Variants in FMNL2 observed in about 807,000 individuals in gnomAD.
FMNL2 encodes formin like 2, also known as formin-like protein 2.
Under a neutral mutation model 130.2 loss-of-function variants are expected in FMNL2, and 51 were observed. The ratio of observed to expected loss-of-function variants is 0.39; its 90% confidence interval spans 0.31 to 0.49. The LOEUF (loss-of-function observed/expected upper bound fraction) is 0.49. Among genes scored for constraint, FMNL2 ranks in the 20% least tolerant of loss-of-function variants. FMNL2 has a pLI of 0.85. For synonymous variants in FMNL2, 465 were observed against 467.1 expected (o/e 1.00, Z 0.06); for missense variants, 977 against 1,316.2 (o/e 0.74, Z 3.99).
intron 21 of FMNL2, among the ~76,000 whole-genome samples, chr2:152,635,353 A>G (rs1337877586): frequency 6.6e-6 from 1 of 152,160 alleles, no homozygotes; most frequent in Admixed American, 6.5e-5. Flanking sequence ...CACCAAATGC[A>G]TTGCCAAATG....
chr2:152,499,319 C>T (rs1178174187), intron 1 of FMNL2, among the ~76,000 whole-genome samples: 1 of 152,194 alleles, frequency 6.6e-6, no homozygotes, highest in Non-Finnish European at 1.5e-5. Flanking sequence ...TGTGATGTTC[C>T]TGATGATGGT....
intron 13 of FMNL2, among the ~76,000 whole-genome samples, chr2:152,617,726 C>T (rs1279072097): frequency 6.6e-6 from 1 of 152,180 alleles, no homozygotes; most frequent in African/African-American, 2.4e-5. Flanking sequence ...TTTATTTGGC[C>T]TTAGTATTGT....
At chr2:152,581,184 G>A in intron 9 of FMNL2, 135 bp downstream of exon 9, 2 of 660,638 alleles carry the variant, frequency 3.0e-6, no homozygotes, top group Non-Finnish European at 4.8e-6. Flanking sequence ...CTCACTGAGA[G>A]GAATGTAATG....
At chr2:152,447,539 C>A (rs1173120283) in intron 1 of FMNL2, among the ~76,000 whole-genome samples, 1 of 152,140 alleles carries the variant, frequency 6.6e-6, no homozygotes, top group Non-Finnish European at 1.5e-5. Context: ...GAGCTTCATG[C>A]CATTTTACAG....
At position 152,629,831 on chromosome 2, in the gene FMNL2, T is replaced by C; in HGVS notation, c.2476T>C (p.Leu826=). The C allele has an allele frequency of 6.2e-7, 1 of 1,613,006 alleles. No individual in the cohort carries two copies. The highest frequency in any genetic ancestry group is 8.5e-7 in the Non-Finnish European group (1 of 1,179,436). The change falls in exon 20 of 26, where the codon TTA becomes CTA. Residue 826 remains leucine (L), a synonymous_variant. Coordinates refer to ENST00000288670, the MANE Select transcript of FMNL2 (RefSeq NM_052905.4). The part of the protein sequence containing the change: ...QKLKKILEII[L]ALGNYMNSSK... ...TTTTCACCTTCTTTTGCAGATCATC[T>C]TAGCCCTTGGAAACTACATGAATAG...
Position 152,619,552 on chromosome 2 carries a change from G to GCCCCCCCCCCCCCCCCCCCCC in FMNL2, c.1676_1677insCCCCCCCCCCCCCCCCCCCCC (p.Pro567_Pro573dup). On this transcript the variant is annotated inframe_insertion, in exon 15 of 26. Transcript: ENST00000288670. ...CACCACCTATGCCACCGCCGCCGCC[G>GCCCCCCCCCCCCCCCCCCCCC]CCCCCTCCTCCACCTCCTCCTCCCC... 7.1e-7 allele frequency: 1 copy of GCCCCCCCCCCCCCCCCCCCCC among 1,417,708 alleles called. No individual in the cohort carries two copies. The highest frequency in any genetic ancestry group is 9.4e-7 in the Non-Finnish European group (1 of 1,062,482). The allele number at this position is 1,417,708 out of a possible 1,614,324, so 87.8% of individuals were successfully genotyped here.
intron 3 of FMNL2, among the ~76,000 whole-genome samples, chr2:152,546,492 C>T (rs1406470175): frequency 6.6e-6 from 1 of 152,062 alleles, no homozygotes; most frequent in Non-Finnish European, 1.5e-5. Flanking sequence ...GCGCTATCTG[C>T]CCCCATGACC....
intron 1 of FMNL2, among the ~76,000 whole-genome samples, chr2:152,376,050 C>T (rs929655662): frequency 4.0e-5 from 6 of 151,804 alleles, no homozygotes; most frequent in Admixed American, 2.6e-4. Context: ...TGTACCACCA[C>T]GCCCAGCTAA....
intron 1 of FMNL2, among the ~76,000 whole-genome samples, chr2:152,509,234 A>G (rs556897009): frequency 7.9e-5 from 12 of 152,326 alleles, no homozygotes; most frequent in African/African-American, 2.9e-4. Flanking sequence ...AACAAGAAAG[A>G]GGTACTTCTT....
At chr2:152,473,786 T>C (rs1228821188) in intron 1 of FMNL2, among the ~76,000 whole-genome samples, 2 of 152,214 alleles carry the variant, frequency 1.3e-5, no homozygotes, top group East Asian at 1.9e-4. Flanking sequence ...ATAAGAAATA[T>C]GTACAATGAA....
At chr2:152,590,980 C>CTTTTTTTTTTTTTTTTTTTTTTTTTT (rs1158391663) in intron 9 of FMNL2, among the ~76,000 whole-genome samples, 2 of 65,792 alleles carry the variant, frequency 3.0e-5, no homozygotes, top group Non-Finnish European at 5.2e-5. Flanking sequence ...CCTCTGATAA[C>CTTTTTTTTTTTTTTTTTTTTTTTTTT]TTTTTTTTTT....
At chr2:152,401,879 T>G (rs1049178109) in intron 1 of FMNL2, among the ~76,000 whole-genome samples, 1 of 151,424 alleles carries the variant, frequency 6.6e-6, no homozygotes, top group Non-Finnish European at 1.5e-5. Context: ...TTTAGGTAGT[T>G]TCAGATGTTG....
intron 22 of FMNL2, 112 bp from the exon 23 acceptor site, chr2:152,637,461 A>G: frequency 2.5e-6 from 2 of 789,814 alleles, no homozygotes; most frequent in Non-Finnish European, 4.3e-6. Context: ...CAGCAACGCA[A>G]GGCCATGGGA....
At chr2:152,347,377 A>G (rs1350392952) in intron 1 of FMNL2, among the ~76,000 whole-genome samples, 1 of 152,224 alleles carries the variant, frequency 6.6e-6, no homozygotes, top group Non-Finnish European at 1.5e-5. Flanking sequence ...AGGCCTGAGC[A>G]TTAGGAAATA....
Position 152,445,161 on chromosome 2 carries a change from A to G in FMNL2, c.118-76782A>G, listed in dbSNP as rs140805619. On this transcript the variant is annotated intron_variant, in intron 1 of 25. Coordinates refer to ENST00000288670, the MANE Select transcript of FMNL2 (RefSeq NM_052905.4). ...GAGTCTCAATTCTTTAAAGAAATGG[A>G]GTCTTTTACACTCCAGTCTGTGTTT... Among the ~76,000 whole-genome samples the G allele has an allele frequency of 3.7e-3, 561 of 152,320 alleles. 2 individuals carry two copies. The highest frequency in any genetic ancestry group is 0.013 in the African/African-American group (539 of 41,576).
chr2:152,621,422 T>G (rs1044494803), intron 15 of FMNL2, among the ~76,000 whole-genome samples: 10 of 152,216 alleles, frequency 6.6e-5, no homozygotes, highest in African/African-American at 1.9e-4. Flanking sequence ...ACTACTTGAT[T>G]TTAAAAATGT....
intron 1 of FMNL2, among the ~76,000 whole-genome samples, chr2:152,520,381 G>A (rs951524771): frequency 6.6e-6 from 1 of 151,914 alleles, no homozygotes; most frequent in African/African-American, 2.4e-5. Context: ...ATCATCCAGG[G>A]GTCAGGAGTT....
intron 1 of FMNL2, among the ~76,000 whole-genome samples, chr2:152,477,276 C>T (rs1393012039): frequency 6.6e-6 from 1 of 152,188 alleles, no homozygotes; most frequent in Non-Finnish European, 1.5e-5. Flanking sequence ...CGAGCTTACT[C>T]ATCATTAGCC....
At chr2:152,631,600 C>A (rs1171418737) in intron 20 of FMNL2, among the ~76,000 whole-genome samples, 1 of 152,008 alleles carries the variant, frequency 6.6e-6, no homozygotes, top group Non-Finnish European at 1.5e-5. Context: ...TTTTATCATG[C>A]TGCTCAGAGT....
Sources: gnomAD v4.1 joint callset for allele counts (sites outside exome capture counted in the v4.1 genomes callset) on GRCh38, gnomAD v4.1.1 for gene constraint, MANE v1.5 for transcripts, NCBI Gene and HGNC (gene_info 2026-07-23, HGNC 2026-07-21) for gene names.